Variants in CDH18 observed in about 807,000 individuals in gnomAD.
CDH18 encodes cadherin 18.
CDH18 carries 31 observed loss-of-function variants against 67.9 expected under a neutral mutation model. The ratio of observed to expected loss-of-function variants is 0.46; its 90% CI spans 0.34 to 0.62. The LOEUF is 0.62. CDH18 is among the 20% of genes least tolerant of loss of function. CDH18 has a pLI of 0.01. For missense variants in CDH18, 890 were observed against 975.5 expected (o/e 0.91, Z 1.17); for synonymous variants, 362 against 347.2 (o/e 1.04, Z -0.48).
chr5:20,498,928 A>G (rs1405313040), intron 1 of CDH18, among the ~76,000 whole-genome samples: 1 of 151,550 alleles, frequency 6.6e-6, no homozygotes, highest in Non-Finnish European at 1.5e-5. Context: ...ATATTTTTAA[A>G]TATCTGGTTA....
intron 1 of CDH18, among the ~76,000 whole-genome samples, chr5:20,279,657 C>T (rs1427115023): frequency 7.4e-6 from 1 of 134,842 alleles, no homozygotes; most frequent in Non-Finnish European, 1.5e-5. Flanking sequence ...CGAGATCATG[C>T]CATTGCACTC....
chr5:19,789,667 A>G (rs1226194050), intron 3 of CDH18, among the ~76,000 whole-genome samples: 1 of 152,172 alleles, frequency 6.6e-6, no homozygotes, highest in Non-Finnish European at 1.5e-5. Context: ...CTTCTATTGC[A>G]AATAAATATA....
intron 2 of CDH18, among the ~76,000 whole-genome samples, chr5:20,049,198 G>C (rs1275588335): frequency 3.3e-5 from 5 of 151,576 alleles, no homozygotes; most frequent in African/African-American, 9.7e-5. Flanking sequence ...ACCACAGAAA[G>C]GGACATTCTA....
At chr5:19,804,158 C>T (rs62355774) in intron 3 of CDH18, 12,049 of 144,150 alleles carry the variant, frequency 0.084, 510 homozygotes, top group African/African-American at 0.1. Flanking sequence ...AAAAATTAGC[C>T]GGGCATGGCA....
intron 2 of CDH18, among the ~76,000 whole-genome samples, chr5:20,013,524 T>A (rs1427723655): frequency 6.6e-6 from 1 of 152,128 alleles, no homozygotes; most frequent in Non-Finnish European, 1.5e-5. Flanking sequence ...AAGATTATTT[T>A]CAATGCTTCT....
intron 11 of CDH18, among the ~76,000 whole-genome samples, chr5:19,490,804 A>G (rs1376055620): frequency 6.6e-6 from 1 of 152,042 alleles, no homozygotes; most frequent in Non-Finnish European, 1.5e-5. Context: ...AGTAGGAGTA[A>G]AAAGGTGAGA....
At chr5:19,530,318 A>T (rs2126973145) in intron 9 of CDH18, among the ~76,000 whole-genome samples, 1 of 152,304 alleles carries the variant, frequency 6.6e-6, no homozygotes, top group East Asian at 1.9e-4. Context: ...CTCAAAGTTT[A>T]AATATATAAA....
intron 9 of CDH18, among the ~76,000 whole-genome samples, chr5:19,529,488 T>A (rs552101679): frequency 6.6e-6 from 1 of 152,054 alleles, no homozygotes; most frequent in South Asian, 2.1e-4. Flanking sequence ...GAGTAAATAG[T>A]AAAAGAAATA....
intron 6 of CDH18, among the ~76,000 whole-genome samples, chr5:19,603,620 C>T (rs1483230375): frequency 6.6e-6 from 1 of 151,434 alleles, no homozygotes; most frequent in Non-Finnish European, 1.5e-5. Context: ...ACAACAAATG[C>T]TGGGAATTTA....
chr5:19,749,720 C>T (rs1326549419), intron 3 of CDH18, among the ~76,000 whole-genome samples: 2 of 150,776 alleles, frequency 1.3e-5, no homozygotes, highest in Non-Finnish European at 3.0e-5. Flanking sequence ...TCTAGTAATT[C>T]AGATATAAAA....
chr5:20,314,599 C>T (rs980711930), intron 1 of CDH18, among the ~76,000 whole-genome samples: 5 of 152,068 alleles, frequency 3.3e-5, no homozygotes, highest in African/African-American at 1.2e-4. Flanking sequence ...CTAAGAACTA[C>T]TAGCATGGAC....
chr5:19,779,431 T>C (rs963593607), intron 3 of CDH18, among the ~76,000 whole-genome samples: 1 of 152,140 alleles, frequency 6.6e-6, no homozygotes, highest in South Asian at 2.1e-4. Flanking sequence ...GACAGTAAAA[T>C]ACAATCGAAG....
chr5:20,354,170 T>C (rs1741421912), intron 1 of CDH18, among the ~76,000 whole-genome samples: 1 of 152,208 alleles, frequency 6.6e-6, no homozygotes, highest in Non-Finnish European at 1.5e-5. Context: ...AATAATACAT[T>C]AAAAAGATGC....
intron 2 of CDH18, among the ~76,000 whole-genome samples, chr5:20,019,787 A>C (rs1738237302): frequency 6.6e-6 from 1 of 152,206 alleles, no homozygotes; most frequent in Admixed American, 6.5e-5. Context: ...GGGCATTGCT[A>C]TATAGATATC....
chr5:20,419,472 T>TTTTG (rs1747662112), intron 1 of CDH18, among the ~76,000 whole-genome samples: 1 of 74,206 alleles, frequency 1.3e-5, no homozygotes, highest in Admixed American at 1.9e-4. Flanking sequence ...GTTTTTTTTT[T>TTTTG]TTTTTTTTTT....
chr5:20,235,313 A>G (rs1490476353), intron 2 of CDH18, among the ~76,000 whole-genome samples: 1 of 152,156 alleles, frequency 6.6e-6, no homozygotes, highest in African/African-American at 2.4e-5. Context: ...TCTGGACAGC[A>G]AAAGAAACTA....
intron 2 of CDH18, among the ~76,000 whole-genome samples, chr5:19,963,539 T>C (rs1203712398): frequency 6.6e-6 from 1 of 151,978 alleles, no homozygotes; most frequent in Non-Finnish European, 1.5e-5. Context: ...TGAGATCTGT[T>C]GGTTGTATAA....
chr5:19,503,062 T>C lies in CDH18; in HGVS notation c.1560A>G (p.Gly520=). The change falls in exon 11 of 13, where the codon GGA becomes GGG. Residue 520 remains glycine (G), a synonymous_variant. Transcript: ENST00000382275. ...CATCAAGAAAGAAGTTAAACCTTGG[T>C]CCATTGGCAAAATCATCTTTATCAG... ...SATDKDDFAN[G]PRFNFFLDER... is the part of the protein sequence containing the mutation. 1.2e-6 allele frequency: 2 copies of C among 1,612,440 alleles called. No individual in the cohort carries two copies. Among genetic ancestry groups the C allele is most frequent in the Non-Finnish European group, 8.5e-7 (1 of 1,178,646 alleles).
rs1372396026 is a variant in CDH18, at chr5:20,199,253, T to A, written c.-518+56191A>T. ...CCATAAAAGCAGCTGGGATGGGGGC[T>A]GTACCCTGCAAAGCCACAGGGGCAG... On this transcript the variant is annotated intron_variant, in intron 2 of 14. Coordinates refer to the CDH18 transcript ENST00000507958. Among the ~76,000 whole-genome samples the A allele has an allele frequency of 2.0e-5, 3 of 152,252 alleles. No homozygotes were observed. The East Asian group carries it at 5.8e-4, about 29-fold the overall frequency.
Sources: gnomAD v4.1 joint callset for allele counts (sites outside exome capture counted in the v4.1 genomes callset) on GRCh38, gnomAD v4.1.1 for gene constraint, MANE v1.5 for transcripts, NCBI Gene and HGNC (gene_info 2026-07-23, HGNC 2026-07-21) for gene names.